Variants in GRM7 observed in about 807,000 individuals in gnomAD.
The protein encoded by GRM7 is glutamate metabotropic receptor 7.
In GRM7, 35 loss-of-function variants were observed where a neutral mutation model predicts 84.5. That is an observed-to-expected ratio of 0.41 (90% confidence interval 0.32 to 0.55). The LOEUF (loss-of-function observed/expected upper bound fraction) is 0.55, where lower values mean the gene tolerates loss of function less well. Among genes scored for constraint, GRM7 ranks in the 20% least tolerant of loss-of-function variants. The pLI is 0.19. For missense variants in GRM7, 1,003 were observed against 1,194.6 expected (o/e 0.84, Z 2.36); for synonymous variants, 487 against 455.1 (o/e 1.07, Z -0.89).
chr3:7,228,950 A>G (rs1485493492), intron 2 of GRM7, among the ~76,000 whole-genome samples: 1 of 152,230 alleles, frequency 6.6e-6, no homozygotes, highest in Non-Finnish European at 1.5e-5. Flanking sequence ...AGAAATGTTG[A>G]CATAGAAATG....
intron 1 of GRM7, among the ~76,000 whole-genome samples, chr3:7,122,562 C>T (rs1693261294): frequency 6.6e-6 from 1 of 152,066 alleles, no homozygotes; most frequent in South Asian, 2.1e-4. Flanking sequence ...AAAACTGTAG[C>T]TTTTACCAGG....
At chr3:7,109,896 A>T (rs1175119650) in intron 1 of GRM7, among the ~76,000 whole-genome samples, 2 of 152,098 alleles carry the variant, frequency 1.3e-5, no homozygotes, top group African/African-American at 4.8e-5. Context: ...CTTCTCATCT[A>T]GAGTTGATTT....
intron 6 of GRM7, among the ~76,000 whole-genome samples, chr3:7,453,048 A>G (rs1697842958): frequency 8.3e-6 from 1 of 121,038 alleles, no homozygotes; most frequent in Non-Finnish European, 1.7e-5. Context: ...TTTTTTTTGC[A>G]CTATGCCAAA....
In GRM7 at chr3:7,549,993, T is replaced by A. The variant is rs370015377; in HGVS notation, c.1516-28429T>A. 9.8e-4 allele frequency among the ~76,000 whole-genome samples: 149 copies of A among 152,310 alleles called. 1 individual carries two copies. Among genetic ancestry groups the A allele is most frequent in the South Asian group, 1.7e-3 (8 of 4,826 alleles). Reference sequence around the variant, plus strand: ...GCTCTTTTTATATATCCTTCCAGTTTCTTTTTGCATATCCAAGTAAATAAA... The same window carrying A: ...GCTCTTTTTATATATCCTTCCAGTTACTTTTTGCATATCCAAGTAAATAAA... On this transcript the variant is annotated intron_variant, in intron 7 of 9. Coordinates refer to ENST00000357716, the MANE Select transcript of GRM7 (RefSeq NM_000844.4).
chr3:7,732,716 T>C (rs913748411), intron 9 of GRM7, among the ~76,000 whole-genome samples: 1 of 152,182 alleles, frequency 6.6e-6, no homozygotes, highest in African/African-American at 2.4e-5. Flanking sequence ...CATTCTTCTG[T>C]TTCTGGTACT....
intron 2 of GRM7, among the ~76,000 whole-genome samples, chr3:7,217,345 C>T (rs894397242): frequency 1.3e-5 from 2 of 152,110 alleles, no homozygotes; most frequent in African/African-American, 2.4e-5. Flanking sequence ...GTTATAGTTT[C>T]CCTATGGCAT....
At position 6,924,253 on chromosome 3, in the gene GRM7, G is replaced by C. The variant is rs116690919; in HGVS notation, c.519+62346G>C. On this transcript the variant is annotated intron_variant, in intron 1 of 9. Transcript: ENST00000357716. The stretch of plus-strand genomic sequence containing the variant: ...CCGTTTGAAAATATTAGCTAAATGG[G>C]ATACTGTGAAGACCCTCTGAAGGCA... Among the ~76,000 whole-genome samples the C allele has an allele frequency of 8.8e-3, 1,333 of 152,222 alleles. 20 individuals carry two copies. The highest frequency in any genetic ancestry group is 0.03 in the African/African-American group (1,263 of 41,536).
rs80183069 is a variant in GRM7, at chr3:7,161,845, A to C, written c.736+15177A>C. The stretch of plus-strand genomic sequence containing the variant: ...AATAACCATATAGCGTTAGGCAAAT[A>C]TCTGTGCCCAATAAAAACGATGTCC... On this transcript the variant is annotated intron_variant, in intron 2 of 9. Transcript: ENST00000357716. Among the ~76,000 whole-genome samples, 213 of 152,330 alleles carry C rather than the reference A, an allele frequency of 1.4e-3. 1 individual carries two copies. Among genetic ancestry groups the C allele is most frequent in the African/African-American group, 4.5e-3 (189 of 41,586 alleles).
At chr3:7,730,856 A>T (rs1408286418) in intron 9 of GRM7, among the ~76,000 whole-genome samples, 3 of 152,226 alleles carry the variant, frequency 2.0e-5, no homozygotes, top group Non-Finnish European at 4.4e-5. Flanking sequence ...TTCAGTGCCC[A>T]AAGTGCATAA....
At chr3:7,631,138 C>T (rs1697842893) in intron 8 of GRM7, among the ~76,000 whole-genome samples, 1 of 152,204 alleles carries the variant, frequency 6.6e-6, no homozygotes, top group South Asian at 2.1e-4. Context: ...AGCAGGAGTA[C>T]AATCACCCTT....
At chr3:7,588,574 C>T (rs1260165466) in intron 8 of GRM7, among the ~76,000 whole-genome samples, 1 of 152,130 alleles carries the variant, frequency 6.6e-6, no homozygotes, top group Non-Finnish European at 1.5e-5. Context: ...GTCTCATGTA[C>T]ATGATGGTGT....
intron 7 of GRM7, among the ~76,000 whole-genome samples, chr3:7,541,879 A>G (rs1413854189): frequency 2.0e-5 from 3 of 152,208 alleles, no homozygotes; most frequent in Non-Finnish European, 4.4e-5. Context: ...TAGAAGTCCC[A>G]AATCAAGAGC....
At chr3:7,519,209 T>C (rs1375175785) in intron 7 of GRM7, among the ~76,000 whole-genome samples, 4 of 152,116 alleles carry the variant, frequency 2.6e-5, no homozygotes, top group Non-Finnish European at 4.4e-5. Flanking sequence ...TAAAACATAC[T>C]TAGCTAGCCA....
intron 4 of GRM7, among the ~76,000 whole-genome samples, chr3:7,350,368 G>T (rs1693084915): frequency 6.6e-6 from 1 of 151,906 alleles, no homozygotes; most frequent in African/African-American, 2.4e-5. Flanking sequence ...CATCCTTCTT[G>T]GTGCTATCAT....
At chr3:7,488,816 A>G (rs537680724) in intron 7 of GRM7, among the ~76,000 whole-genome samples, 150 of 151,706 alleles carry the variant, frequency 9.9e-4, no homozygotes, top group African/African-American at 3.5e-3. Flanking sequence ...CCTCCTCACT[A>G]TTTTTTGTTC....
chr3:7,288,272 A>C (rs1699500032), intron 2 of GRM7, among the ~76,000 whole-genome samples: 1 of 152,108 alleles, frequency 6.6e-6, no homozygotes, highest in Non-Finnish European at 1.5e-5. Context: ...AAAGGAGTTA[A>C]ATTTTTTTTT....
At chr3:7,288,731 G>A (rs1444913668) in intron 2 of GRM7, among the ~76,000 whole-genome samples, 2 of 151,948 alleles carry the variant, frequency 1.3e-5, no homozygotes, top group Non-Finnish European at 1.5e-5. Flanking sequence ...TTAATGGAAA[G>A]TAGTAGTATA....
intron 1 of GRM7, among the ~76,000 whole-genome samples, chr3:6,911,194 C>G (rs1472365132): frequency 6.6e-6 from 1 of 152,070 alleles, no homozygotes; most frequent in Non-Finnish European, 1.5e-5. Flanking sequence ...TTGCCACATT[C>G]AAATAATTTT....
At chr3:7,559,965 C>T (rs937132325) in intron 7 of GRM7, among the ~76,000 whole-genome samples, 4 of 151,992 alleles carry the variant, frequency 2.6e-5, no homozygotes, top group Admixed American at 2.0e-4. Flanking sequence ...TAGGGCCCCA[C>T]CTGTATGAAC....
Sources: allele counts gnomAD v4.1 joint callset (sites outside exome capture counted in the v4.1 genomes callset), GRCh38; gene constraint gnomAD v4.1.1; transcripts MANE v1.5; gene names NCBI Gene and HGNC (gene_info 2026-07-23, HGNC 2026-07-21).